The following ZNF578 variants were observed in gnomAD, a reference collection of about 807,000 sequenced individuals.
ZNF578 encodes Putative chemokine-related protein B42.
A neutral mutation model predicts 8.3 loss-of-function variants in ZNF578; 8 were observed. The ratio of observed to expected loss-of-function variants is 0.96; its 90% CI spans 0.56 to 1.74. The LOEUF is 1.74. Ranked by LOEUF, ZNF578 falls within the 40% of genes most tolerant of loss-of-function variation. The probability of loss-of-function intolerance (pLI) is 0.00; values close to 1 mark genes in which losing one functional copy is unlikely to be tolerated. For synonymous variants in ZNF578, 206 were observed against 232.2 expected, an observed-to-expected ratio of 0.89 and a Z score of 1.03; for missense variants, 726 against 707.5, an observed-to-expected ratio of 1.03 and a Z score of -0.30.
intron 2 of ZNF578, among the ~76,000 whole-genome samples, chr19:52,480,786 A>G (rs1245880223): frequency 1.3e-5 from 2 of 151,554 alleles, no homozygotes; most frequent in African/African-American, 4.8e-5. Context: ...AATCCCAGCT[A>G]CTCGGGTGGC....
At chr19:52,480,196 G>A (rs370622592) in intron 2 of ZNF578, among the ~76,000 whole-genome samples, 9 of 152,232 alleles carry the variant, frequency 5.9e-5, no homozygotes, top group East Asian at 3.9e-4. Flanking sequence ...GTGAGCCACC[G>A]TGCCCAGTCG....
intron 4 of ZNF578, among the ~76,000 whole-genome samples, chr19:52,502,334 A>T (rs1164142618): frequency 6.6e-6 from 1 of 152,222 alleles, no homozygotes; most frequent in Non-Finnish European, 1.5e-5. Flanking sequence ...AATTCTGGGA[A>T]AGGAGACGAA....
intron 3 of ZNF578, among the ~76,000 whole-genome samples, chr19:52,501,624 G>C (rs892313874): frequency 1.3e-4 from 20 of 152,232 alleles, no homozygotes; most frequent in Non-Finnish European, 4.4e-5. Flanking sequence ...GCTCCAGGAG[G>C]GGGGCGAGAT....
At chr19:52,505,460 T>C (rs975847427) in intron 5 of ZNF578, among the ~76,000 whole-genome samples, 1 of 152,178 alleles carries the variant, frequency 6.6e-6, no homozygotes, top group African/African-American at 2.4e-5. Context: ...TCTCGCTCTT[T>C]CACCCAGGCC....
rs185548679 is a variant in ZNF578 at position 52,475,053 on chromosome 19, G to A, written c.-121-16271G>A. 2.2e-4 allele frequency: 41 copies of A among 185,874 alleles called. 1 individual carries two copies. In the East Asian group the frequency reaches 5.3e-3, roughly 24 times the overall value. The allele number at this position is 185,874 out of a possible 1,614,324, so 11.5% of individuals were successfully genotyped here. On this transcript the variant is annotated intron_variant, in intron 2 of 5. Coordinates refer to ENST00000421239, the MANE Select transcript of ZNF578 (RefSeq NM_001099694.2). ...ATTAAAGACCTTGCACATTCATTACGTTTGTAAGATTTCTCTCCTATATGA... is the reference window on the plus strand; with the variant it reads ...ATTAAAGACCTTGCACATTCATTACATTTGTAAGATTTCTCTCCTATATGA...
At chr19:52,486,984 A>T (rs963172990) in intron 2 of ZNF578, among the ~76,000 whole-genome samples, 2 of 151,834 alleles carry the variant, frequency 1.3e-5, no homozygotes, top group African/African-American at 4.8e-5. Flanking sequence ...CAAGAGCTAG[A>T]GAGAGAAGGG....
In ZNF578 at chr19:52,504,633, T is replaced by G. The variant is rs139258172; in HGVS notation, c.64-22T>G. 1,652 of 1,613,664 alleles carry G rather than the reference T, an allele frequency of 1.0e-3. 24 individuals are homozygous for G. The African/African-American group carries it at 0.019, about 19-fold the overall frequency. On this transcript the variant is annotated intron_variant, in intron 4 of 5. Transcript: ENST00000421239. Reference sequence around the variant, plus strand: ...AACTCAATCCTCCATAATGTTTTGTTGAAATGTGTGTTTCATTTTAGGGAC... The same window carrying G: ...AACTCAATCCTCCATAATGTTTTGTGGAAATGTGTGTTTCATTTTAGGGAC...
chr19:52,458,468 T>TTATATATATATATG (rs2059246227), intron 2 of ZNF578: 1 of 121,752 alleles, frequency 8.2e-6, no homozygotes, highest in Admixed American at 8.1e-5. Flanking sequence ...GCTACTATGT[T>TTATATATATATATG]TATATATATA....
rs2059459470 is a variant in ZNF578, at chr19:52,513,587, G to A, written c.*1433G>A. On this transcript the variant is annotated 3_prime_UTR_variant, in exon 6 of 6. Transcript: ENST00000421239. ...CTACTAAAAATACAAAAACTTAGCC[G>A]GGCATGGTGGTGGGCACCTGTAGTC... 6.6e-6 allele frequency among the ~76,000 whole-genome samples: 1 copy of A among 151,688 alleles called. No homozygotes were observed. Among genetic ancestry groups the A allele is most frequent in the Admixed American group, 6.6e-5 (1 of 15,222 alleles).
At chr19:52,477,117 C>G (rs145278820) in intron 2 of ZNF578, among the ~76,000 whole-genome samples, 1 of 152,182 alleles carries the variant, frequency 6.6e-6, no homozygotes, top group Non-Finnish European at 1.5e-5. Context: ...TACAGTGATG[C>G]CTCACAAGTT....
Position 52,503,461 on chromosome 19 carries a change from T to C in ZNF578, c.64-1194T>C, listed in dbSNP as rs1218210238. On this transcript the variant is annotated intron_variant, in intron 4 of 5. Coordinates refer to ENST00000421239, the MANE Select transcript of ZNF578 (RefSeq NM_001099694.2). Reference sequence around the variant, plus strand: ...TCCGGCTTCAAGCAATTCTTTTGCCTCAACCTCTGGAGTATCTGGGATTAC... The same window carrying C: ...TCCGGCTTCAAGCAATTCTTTTGCCCCAACCTCTGGAGTATCTGGGATTAC... 5.3e-5 allele frequency among the ~76,000 whole-genome samples: 8 copies of C among 152,172 alleles called. No homozygotes were observed. The East Asian group carries it at 1.5e-3, about 29-fold the overall frequency.
chr19:52,464,477 T>C (rs2059268362), intron 2 of ZNF578, among the ~76,000 whole-genome samples: 1 of 152,022 alleles, frequency 6.6e-6, no homozygotes, highest in Non-Finnish European at 1.5e-5. Context: ...TTCAAAAAGG[T>C]TTTTAAAGAA....
chr19:52,495,473 G>A (rs571621872), intron 3 of ZNF578, among the ~76,000 whole-genome samples: 2 of 149,198 alleles, frequency 1.3e-5, no homozygotes, highest in African/African-American at 4.9e-5. Context: ...AAAGAATGGA[G>A]CAAAACAGGA....
In ZNF578 at chr19:52,512,401, A is replaced by C; in HGVS notation, c.*247A>C. On this transcript the variant is annotated 3_prime_UTR_variant, in exon 6 of 6. Transcript: ENST00000421239. ...CGCTACAACGATTGCAAATCATTGG[A>C]GAATCCATAATGAAGAGAGATCTTC... 4 of 1,469,936 alleles carry C rather than the reference A, an allele frequency of 2.7e-6. No homozygotes were observed. Among genetic ancestry groups the C allele is most frequent in the Non-Finnish European group, 2.9e-6 (3 of 1,051,774 alleles). The allele number at this position is 1,469,936 out of a possible 1,614,324, so 91.1% of individuals were successfully genotyped here.
chr19:52,473,427 A>G (rs1457858), intron 2 of ZNF578: 143,169 of 159,154 alleles, frequency 0.9, 65,000 homozygotes, highest in Non-Finnish European at 0.96. Flanking sequence ...TGGACTCTGT[A>G]ATAACTTGTA....
Position 52,481,241 on chromosome 19 carries a change from ACTT to A in ZNF578, c.-121-10077_-121-10075del, listed in dbSNP as rs1029341605. 7.0e-4 allele frequency among the ~76,000 whole-genome samples: 107 copies of A among 152,170 alleles called. 1 individual carries two copies. The highest frequency in any genetic ancestry group is 1.6e-3 in the African/African-American group (66 of 41,526). On this transcript the variant is annotated intron_variant, in intron 2 of 5. Coordinates refer to ENST00000421239, the MANE Select transcript of ZNF578 (RefSeq NM_001099694.2). ...TGTCCCCATTCATCTGATCAATTTC[ACTT>A]CTTCTGCTCCAGCAGACCTTCTTCC... is the stretch of plus-strand genomic sequence containing the variant.
rs947454325 is a variant in ZNF578 at position 52,516,868 on chromosome 19, C to G, written c.*4714C>G. Reference sequence around the variant, plus strand: ...TGCACCCAGGTGAAATAAACAGCCTCGTTGCTCACACAAAGCCTGTTTAGT... The same window carrying G: ...TGCACCCAGGTGAAATAAACAGCCTGGTTGCTCACACAAAGCCTGTTTAGT... On this transcript the variant is annotated 3_prime_UTR_variant, in exon 6 of 6. Transcript: ENST00000421239. Among the ~76,000 whole-genome samples, 1 of 152,202 alleles carries G rather than the reference C, an allele frequency of 6.6e-6. No homozygotes were observed. The highest frequency in any genetic ancestry group is 1.5e-5 in the Non-Finnish European group (1 of 68,052).
chr19:52,511,466 G>A lies in ZNF578; in HGVS notation c.1085G>A (p.Arg362His), dbSNP rs373146879. The change falls in exon 6 of 6, where the codon CGT becomes CAT. Residue 362 changes from arginine (R) to histidine (H), a missense_variant. Physicochemically the swap from Arg to His is conservative, Grantham distance 29. Coordinates refer to ENST00000421239, the MANE Select transcript of ZNF578 (RefSeq NM_001099694.2). Reference protein sequence around the residue: ...FSYKSSLRCHRRLHTGIKPYK... With the variant: ...FSYKSSLRCHHRLHTGIKPYK... ...TACAAGTCATCCCTTAGATGCCATC[G>A]TAGACTTCATACTGGAATAAAACCT... 26 of 1,613,838 alleles carry A rather than the reference G, an allele frequency of 1.6e-5. No homozygotes were observed. The Admixed American group carries it at 2.0e-4, about 12-fold the overall frequency.
intron 2 of ZNF578, among the ~76,000 whole-genome samples, chr19:52,463,255 G>T (rs1206028083): frequency 6.6e-6 from 1 of 152,152 alleles, no homozygotes; most frequent in Non-Finnish European, 1.5e-5. Context: ...GAAACCAAAC[G>T]TCTTTTTATA....
Sources: allele counts gnomAD v4.1 joint callset (sites outside exome capture counted in the v4.1 genomes callset), GRCh38; gene constraint gnomAD v4.1.1; transcripts MANE v1.5; gene names NCBI Gene and HGNC (gene_info 2026-07-23, HGNC 2026-07-21).